The following FYCO1 variants were observed in gnomAD, a reference collection of about 807,000 sequenced individuals.
FYCO1 encodes FYVE and coiled-coil domain autophagy adaptor 1, also known as FYVE and coiled-coil domain-containing protein 1.
In FYCO1, 122 loss-of-function variants were observed where a neutral mutation model predicts 165.1. That is an observed-to-expected ratio of 0.74 (90% CI 0.64 to 0.86). The LOEUF (loss-of-function observed/expected upper bound fraction) is 0.86, where lower values mean the gene tolerates loss of function less well. Among genes scored for constraint, FYCO1 ranks in the 40% least tolerant of loss-of-function variants. FYCO1 has a pLI of 0.00. For missense variants in FYCO1, 1,702 were observed against 1,810.3 expected, an observed-to-expected ratio of 0.94 and a Z score of 1.09; for synonymous variants, 648 against 742.5, an observed-to-expected ratio of 0.87 and a Z score of 2.07.
At chr3:45,982,118 T>C (rs1056705187) in intron 2 of FYCO1, among the ~76,000 whole-genome samples, 2 of 152,180 alleles carry the variant, frequency 1.3e-5, no homozygotes, top group East Asian at 1.9e-4. Flanking sequence ...GTGCAAATAA[T>C]AGTAGTGACA....
chr3:45,936,453 T>G lies in FYCO1; in HGVS notation c.4035A>C (p.Glu1345Asp), dbSNP rs753989630. 1.2e-6 allele frequency: 2 copies of G among 1,612,252 alleles called. No individual in the cohort carries two copies. Among genetic ancestry groups the G allele is most frequent in the African/African-American group, 2.7e-5 (2 of 74,892 alleles). The change falls in exon 15 of 18, where the codon GAA becomes GAC. Residue 1345 changes from glutamate to aspartate, a missense_variant. Transcript: ENST00000296137. ...AGGCAGCAGTTGCCACTTACATCAG[T>G]TCTCCAGACTTCAGCAGGCAGATTT... ...DSEICLLKSG[E>D]LMIKVPLTVD...
In FYCO1 at chr3:45,968,270, C is replaced by T. The variant is rs764385006; in HGVS notation, c.1064G>A (p.Arg355Gln). Residue 355 changes from arginine (R) to glutamine (Q), a missense_variant, in exon 8 of 18, where the codon CGG becomes CAG. By Grantham distance (43) the Arg-to-Gln change is conservative. Transcript: ENST00000296137. Reference sequence around the variant, plus strand: ...CTGGTTTTTCTTGTCCAGTGAGTCCCGTGTGGCCTCAAGCTCCTGTGCCAA... The same window carrying T: ...CTGGTTTTTCTTGTCCAGTGAGTCCTGTGTGGCCTCAAGCTCCTGTGCCAA... ...QPLAQELEATRDSLDKKNQHL... is the reference protein window; with the variant it reads ...QPLAQELEATQDSLDKKNQHL... 1.2e-5 allele frequency: 20 copies of T among 1,613,906 alleles called. No individual in the cohort carries two copies. Among genetic ancestry groups the T allele is most frequent in the African/African-American group, 4.0e-5 (3 of 74,942 alleles).
In FYCO1 at chr3:45,991,070, G is replaced by A. The variant is rs189823440; in HGVS notation, c.-113+4652C>T. Among the ~76,000 whole-genome samples, 213 of 152,252 alleles carry A rather than the reference G, an allele frequency of 1.4e-3. 1 individual carries two copies. The highest frequency in any genetic ancestry group is 4.7e-3 in the African/African-American group (196 of 41,538). On this transcript the variant is annotated intron_variant, in intron 1 of 17. Coordinates refer to ENST00000296137, the MANE Select transcript of FYCO1 (RefSeq NM_024513.4). ...TGGGATTACAGGCATGAGCCACTGC[G>A]CCCGGCCATCATGAGCACATTTTTA...
intron 14 of FYCO1, among the ~76,000 whole-genome samples, chr3:45,939,314 AAGG>A (rs1347351603): frequency 6.6e-6 from 1 of 152,182 alleles, no homozygotes; most frequent in Non-Finnish European, 1.5e-5. Context: ...AATGCTCCCA[AAGG>A]AGGACATACC....
At chr3:45,936,851 C>T (rs1327850449) in intron 14 of FYCO1, among the ~76,000 whole-genome samples, 1 of 152,150 alleles carries the variant, frequency 6.6e-6, no homozygotes, top group Non-Finnish European at 1.5e-5. Flanking sequence ...CTCTCCTAGC[C>T]CACGCCAGCA....
At chr3:45,938,438 C>T (rs1184050203) in intron 14 of FYCO1, among the ~76,000 whole-genome samples, 2 of 152,186 alleles carry the variant, frequency 1.3e-5, no homozygotes, top group Admixed American at 1.3e-4. Context: ...ACAGAAAATA[C>T]AATAGTATAT....
intron 3 of FYCO1, among the ~76,000 whole-genome samples, chr3:45,981,261 G>GA (rs1212482952): frequency 6.6e-6 from 1 of 152,140 alleles, no homozygotes; most frequent in Non-Finnish European, 1.5e-5. Context: ...CTCCCAAAGG[G>GA]GTATGTAACT....
chr3:45,929,757 C>T (rs1477075367), intron 16 of FYCO1, among the ~76,000 whole-genome samples: 1 of 152,202 alleles, frequency 6.6e-6, no homozygotes, highest in Admixed American at 6.5e-5. Flanking sequence ...ACAAGGCCAA[C>T]CCAAGGGAGT....
chr3:45,928,538 A>T (rs986009837), intron 16 of FYCO1, among the ~76,000 whole-genome samples: 2 of 152,184 alleles, frequency 1.3e-5, no homozygotes, highest in African/African-American at 4.8e-5. Flanking sequence ...GTCTGGAGAG[A>T]GGGTGGCACA....
At position 45,919,875 on chromosome 3, in the gene FYCO1, A is replaced by C. The variant is rs770468632; in HGVS notation, c.*1890T>G. 3.9e-5 allele frequency: 6 copies of C among 152,258 alleles called. No homozygotes were observed. Among genetic ancestry groups the C allele is most frequent in the Non-Finnish European group, 8.8e-5 (6 of 68,062 alleles). The allele number at this position is 152,258 out of a possible 1,614,324, so 9.4% of individuals were successfully genotyped here. ...ACGTGGCATGCCTGTGAGGACAAAC[A>C]TCAGGCCAAGAAGAGTCGCTGGGGG... On this transcript the variant is annotated 3_prime_UTR_variant, in exon 18 of 18. Transcript: ENST00000296137.
chr3:45,970,530 C>G (rs1419694951), intron 6 of FYCO1, among the ~76,000 whole-genome samples: 1 of 152,198 alleles, frequency 6.6e-6, no homozygotes, highest in Non-Finnish European at 1.5e-5. Context: ...GAAAGAGATA[C>G]ACTGTGGCTT....
Position 45,967,097 on chromosome 3 carries a change from A to C in FYCO1, c.2237T>G (p.Val746Gly). 6.2e-7 allele frequency: 1 copy of C among 1,613,624 alleles called. No individual in the cohort carries two copies. The highest frequency in any genetic ancestry group is 1.3e-5 in the African/African-American group (1 of 74,890). ...QCQQQTQLIE[V>G]LTAEKGQQGV... Reference sequence around the variant, plus strand: ...CTGTTGGCCTTTCTCTGCTGTGAGGACCTCAATCAGCTGGGTCTGCTGCTG... The same window carrying C: ...CTGTTGGCCTTTCTCTGCTGTGAGGCCCTCAATCAGCTGGGTCTGCTGCTG... The change falls in exon 8 of 18, where the codon GTC becomes GGC. Residue 746 changes from valine to glycine, a missense_variant. Coordinates refer to ENST00000296137, the MANE Select transcript of FYCO1 (RefSeq NM_024513.4).
chr3:45,930,824 G>C (rs925855750), intron 16 of FYCO1, among the ~76,000 whole-genome samples: 1 of 152,132 alleles, frequency 6.6e-6, no homozygotes, highest in Non-Finnish European at 1.5e-5. Flanking sequence ...AGGGCAGACT[G>C]TACCTGTTTC....
rs1382657466 is a variant in FYCO1, at chr3:45,964,440, G to C, written c.3165C>G (p.Asp1055Glu). ...AVEKLKATQA[D>E]MGEKLSCTSN... is the part of the protein sequence containing the mutation. ...TAGTGCAGCTCAGCTTCTCTCCCAT[G>C]TCTGCTTGGGTGGCCTGGCACAGGA... The change falls in exon 10 of 18, where the codon GAC becomes GAG. Residue 1055 changes from aspartate (D) to glutamate (E), a missense_variant. By Grantham distance (45) the Asp-to-Glu change is conservative. Coordinates refer to ENST00000296137, the MANE Select transcript of FYCO1 (RefSeq NM_024513.4). The surrounding 1 kb of genome is among the most constrained non-coding windows in gnomAD (Gnocchi z 4.1). The C allele has an allele frequency of 2.5e-6, 4 of 1,613,884 alleles. No individual in the cohort carries two copies. In the Admixed American group the frequency reaches 6.7e-5, roughly 27 times the overall value.
At chr3:45,944,559 A>G (rs1464613440) in intron 14 of FYCO1, among the ~76,000 whole-genome samples, 2 of 152,168 alleles carry the variant, frequency 1.3e-5, no homozygotes, top group African/African-American at 2.4e-5. Context: ...ACAAAATAGG[A>G]TTTTAATTAT....
At chr3:45,994,300 T>C (rs1223569325) in intron 1 of FYCO1, among the ~76,000 whole-genome samples, 2 of 152,178 alleles carry the variant, frequency 1.3e-5, no homozygotes, top group African/African-American at 4.8e-5. Flanking sequence ...TGATTCTGTA[T>C]GTTTATTTTT....
At position 45,964,255 on chromosome 3, in the gene FYCO1, GTGAC is replaced by G; in HGVS notation, c.3269+77_3269+80del. 1 of 1,104,112 alleles carries G rather than the reference GTGAC, an allele frequency of 9.1e-7. No homozygotes were observed. Among genetic ancestry groups the G allele is most frequent in the Non-Finnish European group, 1.4e-6 (1 of 716,468 alleles). The allele number at this position is 1,104,112 out of a possible 1,614,324, so 68.4% of individuals were successfully genotyped here. On this transcript the variant is annotated intron_variant, in intron 10 of 17. Transcript: ENST00000296137. The surrounding 1 kb of genome is among the most constrained non-coding windows in gnomAD (Gnocchi z 4.1). The stretch of plus-strand genomic sequence containing the variant: ...AAAGGACTTCCTAAACCTAATATGA[GTGAC>G]TGACTTTCTAAATGACGAGACCAAA...
intron 8 of FYCO1, among the ~76,000 whole-genome samples, chr3:45,965,997 T>A (rs535293687): frequency 1.3e-5 from 2 of 152,358 alleles, no homozygotes; most frequent in East Asian, 1.9e-4. Flanking sequence ...TGGCTACTAG[T>A]TTTACAAACT....
In FYCO1 at chr3:45,973,136, A is replaced by C; in HGVS notation, c.491T>G (p.Leu164Arg). Residue 164 changes from leucine to arginine, a missense_variant, in exon 6 of 18, where the codon CTG (leucine) becomes CGG (arginine). Coordinates refer to ENST00000296137, the MANE Select transcript of FYCO1 (RefSeq NM_024513.4). Reference protein sequence around the residue: ...LYELTEVQFDLASRGFDLDAA... With the variant: ...LYELTEVQFDRASRGFDLDAA... ...ATCCAAGTCAAAGCCCCTCGACGCC[A>C]GGTCAAACTGAACCTCAGTCAGCTC... 2 of 1,614,262 alleles carry C rather than the reference A, an allele frequency of 1.2e-6. No homozygotes were observed. The highest frequency in any genetic ancestry group is 1.7e-6 in the Non-Finnish European group (2 of 1,180,050).
Sources: allele counts gnomAD v4.1 joint callset (sites outside exome capture counted in the v4.1 genomes callset), GRCh38; gene constraint gnomAD v4.1.1; non-coding constraint Gnocchi (gnomAD v3.1); transcripts MANE v1.5; gene names NCBI Gene and HGNC (gene_info 2026-07-23, HGNC 2026-07-21).